Variants in RAD23B observed in about 807,000 individuals in gnomAD.
RAD23B encodes lysine-specific demethylase RAD23B.
RAD23B carries 5 observed loss-of-function variants against 49.1 expected under a neutral mutation model. The ratio of observed to expected loss-of-function variants is 0.10; its 90% confidence interval spans 0.05 to 0.21. The LOEUF (loss-of-function observed/expected upper bound fraction) is 0.21. RAD23B is among the 10% of genes least tolerant of loss of function. RAD23B has a pLI of 1.00. For missense variants in RAD23B, 356 were observed against 486.7 expected, an observed-to-expected ratio of 0.73 and a Z score of 2.53; for synonymous variants, 184 against 165.4, an observed-to-expected ratio of 1.11 and a Z score of -0.86.
chr9:107,306,738 G>A (rs1368404226), intron 4 of RAD23B, 91 bp downstream of exon 4: 19 of 1,372,762 alleles, frequency 1.4e-5, no homozygotes, highest in African/African-American at 2.9e-5. Flanking sequence ...TGATCAAACC[G>A]ACTATATCTA....
intron 9 of RAD23B, 52 bp downstream of exon 9, chr9:107,325,056 T>A: frequency 6.5e-7 from 1 of 1,536,102 alleles, no homozygotes; most frequent in Admixed American, 1.8e-5. Flanking sequence ...GGCTCATGCC[T>A]GTAATTCCAG....
intron 1 of RAD23B, among the ~76,000 whole-genome samples, chr9:107,290,972 C>CTAGA (rs1564239761): frequency 6.6e-6 from 1 of 152,208 alleles, no homozygotes; most frequent in Admixed American, 6.5e-5. Context: ...ACTACACCAT[C>CTAGA]TGTTCCCTGT....
chr9:107,284,840 G>A (rs1269301223), intron 1 of RAD23B: 10 of 1,230,204 alleles, frequency 8.1e-6, no homozygotes, highest in Non-Finnish European at 1.1e-5. Context: ...TATGACCTTG[G>A]GCAAATTACG....
chr9:107,320,695 A>G (rs913869879), intron 6 of RAD23B, among the ~76,000 whole-genome samples: 22 of 152,232 alleles, frequency 1.4e-4, no homozygotes, highest in African/African-American at 4.8e-4. Context: ...AGGTCGATCT[A>G]TAGCAATAAA....
intron 1 of RAD23B, among the ~76,000 whole-genome samples, chr9:107,287,384 T>G (rs989913023): frequency 6.6e-6 from 1 of 152,150 alleles, no homozygotes; most frequent in East Asian, 1.9e-4. Context: ...AGATGAGACT[T>G]TAAATGCAAA....
At chr9:107,319,970 C>T (rs1027133980) in intron 6 of RAD23B, among the ~76,000 whole-genome samples, 1 of 152,154 alleles carries the variant, frequency 6.6e-6, no homozygotes, top group Non-Finnish European at 1.5e-5. Flanking sequence ...CTTAAAGTTG[C>T]CTGATTCTAA....
At chr9:107,300,772 T>TA (rs1042037531) in intron 2 of RAD23B, among the ~76,000 whole-genome samples, 1 of 152,234 alleles carries the variant, frequency 6.6e-6, no homozygotes, top group Non-Finnish European at 1.5e-5. Flanking sequence ...AAATGTATAT[T>TA]AAAAATACAT....
At chr9:107,308,385 A>G (rs1826825577) in intron 4 of RAD23B, among the ~76,000 whole-genome samples, 1 of 151,854 alleles carries the variant, frequency 6.6e-6, no homozygotes, top group Admixed American at 6.6e-5. Context: ...TGCCCAGCTT[A>G]TTTTTGTATT....
intron 6 of RAD23B, among the ~76,000 whole-genome samples, chr9:107,321,221 T>G (rs1022827457): frequency 6.6e-6 from 1 of 152,100 alleles, no homozygotes; most frequent in Non-Finnish European, 1.5e-5. Context: ...AAATTAAATT[T>G]TTTGAGATAC....
intron 9 of RAD23B, among the ~76,000 whole-genome samples, chr9:107,328,084 G>C (rs1427576250): frequency 6.6e-6 from 1 of 152,068 alleles, no homozygotes; most frequent in Admixed American, 6.6e-5. Flanking sequence ...AATCTAAATT[G>C]TGTGTTTTGT....
intron 1 of RAD23B, among the ~76,000 whole-genome samples, chr9:107,297,293 G>A (rs1013093963): frequency 1.3e-5 from 2 of 151,660 alleles, no homozygotes; most frequent in Non-Finnish European, 2.9e-5. Context: ...AATCATATAG[G>A]TATCTTGTGT....
Position 107,330,394 on chromosome 9 carries a change from G to T in RAD23B, c.*738G>T, listed in dbSNP as rs891844308. 1 of 152,458 alleles carries T rather than the reference G, an allele frequency of 6.6e-6. No homozygotes were observed. The highest frequency in any genetic ancestry group is 1.9e-4 in the East Asian group (1 of 5,198). The allele number at this position is 152,458 out of a possible 1,614,324, so 9.4% of individuals were successfully genotyped here. A position where few individuals can be genotyped will look rare whatever the true frequency, so the allele number is the denominator to read the frequency against. On this transcript the variant is annotated 3_prime_UTR_variant, in exon 10 of 10. Transcript: ENST00000358015. The surrounding 1 kb of genome is among the most constrained non-coding windows in gnomAD (Gnocchi z 4.4). ...TTTGTTTTGGGGAAAAAATTGGTAGGTGTCTAATTACTGTTTACTTCATTG... is the reference window on the plus strand; with the variant it reads ...TTTGTTTTGGGGAAAAAATTGGTAGTTGTCTAATTACTGTTTACTTCATTG...
In RAD23B at chr9:107,323,942, A is replaced by G. The variant is rs1294499471; in HGVS notation, c.870A>G (p.Gln290=). ...AGCCTCAGTTTCAACAGATGAGACA[A>G]ATTATTCAGCAGAATCCTTCCTTGC... ...RNQPQFQQMR[Q]IIQQNPSLLP... Residue 290 remains glutamine, a synonymous_variant, in exon 8 of 10, where the codon CAA becomes CAG. Coordinates refer to ENST00000358015, the MANE Select transcript of RAD23B (RefSeq NM_002874.5). 2.5e-6 allele frequency: 4 copies of G among 1,612,298 alleles called. No individual in the cohort carries two copies. Among genetic ancestry groups the G allele is most frequent in the Non-Finnish European group, 3.4e-6 (4 of 1,178,454 alleles).
intron 9 of RAD23B, among the ~76,000 whole-genome samples, chr9:107,328,694 C>T (rs1023753475): frequency 4.0e-4 from 61 of 152,324 alleles, no homozygotes; most frequent in African/African-American, 1.5e-3. Flanking sequence ...ACCCACTGCT[C>T]ACCTGCTCCT....
In RAD23B at chr9:107,318,488, G is replaced by C. The variant is rs904274171; in HGVS notation, c.554-264G>C. Among the ~76,000 whole-genome samples the C allele has an allele frequency of 2.1e-4, 32 of 152,164 alleles. No individual in the cohort carries two copies. Among genetic ancestry groups the C allele is most frequent in the African/African-American group, 7.7e-4 (32 of 41,424 alleles). On this transcript the variant is annotated intron_variant, in intron 5 of 9. Transcript: ENST00000358015. This position sits in a 1 kb window ranked among gnomAD's most constrained non-coding sequence, Gnocchi z 4.3. ...TCCAGAATGAGGTCTCTGTCTTAAA[G>C]TCAGCTGATTAGCAACCTTAATTTT... is the stretch of plus-strand genomic sequence containing the variant.
intron 5 of RAD23B, among the ~76,000 whole-genome samples, chr9:107,312,455 C>A (rs1175895081): frequency 6.6e-6 from 1 of 152,160 alleles, no homozygotes; most frequent in Non-Finnish European, 1.5e-5. Flanking sequence ...CAGCAGGGTT[C>A]CAGCAGCAGT....
At chr9:107,297,051 A>T (rs974077512) in intron 1 of RAD23B, among the ~76,000 whole-genome samples, 2 of 150,856 alleles carry the variant, frequency 1.3e-5, no homozygotes, top group African/African-American at 4.9e-5. Context: ...ACGGGGTTTC[A>T]CCATGTTGGC....
intron 9 of RAD23B, among the ~76,000 whole-genome samples, chr9:107,325,585 T>C (rs1827189406): frequency 6.6e-6 from 1 of 152,218 alleles, no homozygotes; most frequent in Admixed American, 6.5e-5. Context: ...ATTGTGTATA[T>C]TGATCTTTTA....
At chr9:107,311,889 G>C in intron 5 of RAD23B, 152 bp downstream of exon 5, 1 of 626,496 alleles carries the variant, frequency 1.6e-6, no homozygotes, top group Non-Finnish European at 2.6e-6. Flanking sequence ...AATTAATAGT[G>C]TTACTAAAGA....
Sources: gnomAD v4.1 joint callset for allele counts (sites outside exome capture counted in the v4.1 genomes callset) on GRCh38, gnomAD v4.1.1 for gene constraint, Gnocchi (gnomAD v3.1) non-coding constraint, MANE v1.5 for transcripts, NCBI Gene and HGNC (gene_info 2026-07-23, HGNC 2026-07-21) for gene names.